BNC2: variants seen among roughly 807,000 people sequenced by gnomAD.
BNC2 encodes basonuclin zinc finger protein 2, also known as zinc finger protein basonuclin-2.
Under a neutral mutation model 76.3 loss-of-function variants are expected in BNC2, and 20 were observed. The observed-to-expected ratio is 0.26, with a 90% CI of 0.18 to 0.38. The LOEUF (loss-of-function observed/expected upper bound fraction) is 0.38. Among genes scored for constraint, BNC2 ranks in the 10% least tolerant of loss-of-function variants. The probability of loss-of-function intolerance (pLI) is 1.00; values close to 1 mark genes in which losing one functional copy is unlikely to be tolerated. For missense variants in BNC2, 1,382 were observed against 1,399.8 expected (o/e 0.99, Z 0.20); for synonymous variants, 582 against 514.8 (o/e 1.13, Z -1.77).
At chr9:16,816,505 G>A (rs1214068772) in intron 1 of BNC2, among the ~76,000 whole-genome samples, 1 of 152,104 alleles carries the variant, frequency 6.6e-6, no homozygotes, top group Non-Finnish European at 1.5e-5. Flanking sequence ...AAATTTTTCT[G>A]CTGCCTTCCA....
At chr9:16,462,105 G>C (rs906337782) in intron 5 of BNC2, among the ~76,000 whole-genome samples, 1 of 152,114 alleles carries the variant, frequency 6.6e-6, no homozygotes, top group Non-Finnish European at 1.5e-5. Flanking sequence ...CAAGTCTATG[G>C]ATTGCTTTTT....
chr9:16,772,224 C>T (rs1272125686), intron 1 of BNC2, among the ~76,000 whole-genome samples: 3 of 152,158 alleles, frequency 2.0e-5, no homozygotes, highest in South Asian at 2.1e-4. Context: ...AACCCACACA[C>T]GGGGTATACT....
At chr9:16,616,795 G>GGAAGGAAGGAAC (rs1820714188) in intron 3 of BNC2, among the ~76,000 whole-genome samples, 1 of 143,324 alleles carries the variant, frequency 7.0e-6, no homozygotes, top group African/African-American at 2.6e-5. Context: ...AAGGAGGGAA[G>GGAAGGAAGGAAC]GAAGGAAGGA....
intron 1 of BNC2, among the ~76,000 whole-genome samples, chr9:16,772,437 C>T (rs1041799925): frequency 6.6e-5 from 10 of 151,982 alleles, no homozygotes; most frequent in Admixed American, 1.3e-4. Flanking sequence ...ATAATGTTCA[C>T]GCTGTACATT....
chr9:16,506,058 C>T (rs1269693493), intron 5 of BNC2, among the ~76,000 whole-genome samples: 4 of 152,094 alleles, frequency 2.6e-5, no homozygotes, highest in African/African-American at 7.2e-5. Flanking sequence ...AGCCAGTTGA[C>T]GAAACTGGCA....
chr9:16,626,189 G>C (rs770806153), intron 3 of BNC2: 1 of 152,076 alleles, frequency 6.6e-6, no homozygotes, highest in Non-Finnish European at 1.5e-5. Flanking sequence ...ACTCCTCAAA[G>C]ATAAGACCAC....
chr9:16,473,978 C>A (rs1821879584), intron 5 of BNC2, among the ~76,000 whole-genome samples: 1 of 152,162 alleles, frequency 6.6e-6, no homozygotes. Context: ...ACTCAGGGGG[C>A]AGTCATGTGA....
At chr9:16,641,258 G>A (rs189176717) in intron 3 of BNC2, among the ~76,000 whole-genome samples, 2 of 152,246 alleles carry the variant, frequency 1.3e-5, no homozygotes, top group South Asian at 2.1e-4. Flanking sequence ...ACTTCAGATT[G>A]TAAATCATTG....
chr9:16,644,098 AC>A (rs997530400), intron 3 of BNC2, among the ~76,000 whole-genome samples: 1 of 152,178 alleles, frequency 6.6e-6, no homozygotes, highest in African/African-American at 2.4e-5. Flanking sequence ...ACATCAAAAG[AC>A]TTTGAAATAT....
chr9:16,674,318 T>C (rs1421249794), intron 3 of BNC2, among the ~76,000 whole-genome samples: 1 of 152,248 alleles, frequency 6.6e-6, no homozygotes, highest in East Asian at 1.9e-4. Flanking sequence ...GGAAAATTAA[T>C]CTCATCCCAA....
At chr9:16,690,663 T>C (rs1823132525) in intron 3 of BNC2, among the ~76,000 whole-genome samples, 1 of 152,128 alleles carries the variant, frequency 6.6e-6, no homozygotes, top group African/African-American at 2.4e-5. Context: ...GGATGGGAGA[T>C]ATTTTATAGG....
chr9:16,430,578 T>C (rs1034389488), intron 6 of BNC2, among the ~76,000 whole-genome samples: 2 of 152,168 alleles, frequency 1.3e-5, no homozygotes, highest in African/African-American at 2.4e-5. Flanking sequence ...GCAGGTAACA[T>C]GTTTTCGCAT....
intron 3 of BNC2, among the ~76,000 whole-genome samples, chr9:16,627,681 G>C (rs1444985199): frequency 6.6e-6 from 1 of 152,164 alleles, no homozygotes; most frequent in African/African-American, 2.4e-5. Flanking sequence ...TGTGGTATTA[G>C]AAGTGTTTCT....
At position 16,786,614 on chromosome 9, in the gene BNC2, A is replaced by G. The variant is rs138027759; in HGVS notation, c.4-48129T>C. Among the ~76,000 whole-genome samples the G allele has an allele frequency of 3.9e-5, 6 of 152,308 alleles. No homozygotes were observed. In the East Asian group the frequency reaches 1.2e-3, roughly 29 times the overall value. ...CCGGATACCATATAATCAGGGTTCC[A>G]TGAGAATGCATGCATGGGGCAAGCA... On this transcript the variant is annotated intron_variant, in intron 1 of 6. Coordinates refer to ENST00000380672, the MANE Select transcript of BNC2 (RefSeq NM_017637.6).
At chr9:16,609,498 G>A (rs755237720) in intron 3 of BNC2, among the ~76,000 whole-genome samples, 3 of 152,140 alleles carry the variant, frequency 2.0e-5, no homozygotes, top group Non-Finnish European at 4.4e-5. Context: ...AGCTAAATAT[G>A]AGCATATAGA....
At chr9:16,864,334 G>A (rs1038131687) in intron 1 of BNC2, among the ~76,000 whole-genome samples, 1 of 152,142 alleles carries the variant, frequency 6.6e-6, no homozygotes, top group Non-Finnish European at 1.5e-5. Flanking sequence ...TCATATATAT[G>A]ATTTAGTCAG....
At chr9:16,456,204 C>G (rs1289395013) in intron 5 of BNC2, among the ~76,000 whole-genome samples, 3 of 152,134 alleles carry the variant, frequency 2.0e-5, no homozygotes, top group Admixed American at 6.5e-5. Context: ...TCATTTTTTA[C>G]TTGTAATTAC....
intron 1 of BNC2, among the ~76,000 whole-genome samples, chr9:16,805,469 G>T (rs111426157): frequency 0.021 from 3,160 of 152,106 alleles, 108 homozygotes; most frequent in African/African-American, 0.072. Flanking sequence ...TGGGATTACA[G>T]GCGCGTGCCA....
At chr9:16,454,425 C>T (rs1243792092) in intron 5 of BNC2, among the ~76,000 whole-genome samples, 1 of 152,140 alleles carries the variant, frequency 6.6e-6, no homozygotes, top group East Asian at 1.9e-4. Context: ...CTCAGCCTCT[C>T]AAGTAGCTAG....
Sources: allele counts gnomAD v4.1 joint callset (sites outside exome capture counted in the v4.1 genomes callset), GRCh38; gene constraint gnomAD v4.1.1; transcripts MANE v1.5; gene names NCBI Gene and HGNC (gene_info 2026-07-23, HGNC 2026-07-21).